The following TCF3 variants were observed in gnomAD, a reference collection of about 807,000 sequenced individuals.
TCF3 encodes transcription factor E2-alpha.
TCF3 carries 54 observed loss-of-function variants against 72.3 expected under a neutral mutation model. The observed-to-expected ratio is 0.75, with a 90% CI of 0.60 to 0.94. The LOEUF (loss-of-function observed/expected upper bound fraction) is 0.94, where lower values mean the gene tolerates loss of function less well. TCF3 is among the 40% of genes least tolerant of loss of function. The pLI is 0.00. For synonymous variants in TCF3, 525 were observed against 412.6 expected (o/e 1.27, Z -3.30); for missense variants, 1,078 against 934.4 (o/e 1.15, Z -2.00).
At chr19:1,632,475 A>T (rs1272528260) in intron 3 of TCF3, 70 bp from the exon 4 acceptor site, 1 of 1,496,478 alleles carries the variant, frequency 6.7e-7, no homozygotes, top group Non-Finnish European at 9.1e-7. Context: ...TCGGTTCATC[A>T]TCTCAGGGGC....
At chr19:1,641,032 C>T (rs1047801071) in intron 3 of TCF3, among the ~76,000 whole-genome samples, 1 of 151,790 alleles carries the variant, frequency 6.6e-6, no homozygotes. Flanking sequence ...CACCTATATT[C>T]CCAGCTACTC....
chr19:1,634,330 T>G (rs1029814360), intron 3 of TCF3, among the ~76,000 whole-genome samples: 1 of 152,252 alleles, frequency 6.6e-6, no homozygotes, highest in South Asian at 2.1e-4. Flanking sequence ...TGTCAGAGTG[T>G]GGTTTTCTGT....
rs879255378 is a variant in TCF3 at position 1,619,219 on chromosome 19, G to A, written c.1342C>T (p.Pro448Ser). The A allele has an allele frequency of 1.9e-6, 3 of 1,596,542 alleles. No individual in the cohort carries two copies. Among genetic ancestry groups the A allele is most frequent in the Admixed American group, 3.3e-5 (2 of 59,712 alleles). ...GTGCTGCCTGCGAGGCCGTCCTCGG[G>A]GTGGCTGCCTCCAACCTGCAGGCGT... ...RHAGLVGGSH[P>S]EDGLAGSTSL... The change falls in exon 16 of 19, where the codon CCC (proline) becomes TCC (serine). Residue 448 changes from proline (P) to serine (S), a missense_variant. By Grantham distance (74) the Pro-to-Ser change is moderately conservative (BLOSUM62 -1). Transcript: ENST00000262965.
At chr19:1,632,181 T>C (rs2063794866) in intron 4 of TCF3, 65 bp from the exon 5 acceptor site, 1 of 1,575,282 alleles carries the variant, frequency 6.3e-7, no homozygotes, top group Admixed American at 1.9e-5. Context: ...CACCCCGCAT[T>C]ACAGCTGGAG....
At chr19:1,646,326 C>CGAGCGCTGGCAGGAAGGCGG in intron 3 of TCF3, 29 bp downstream of exon 3, 1 of 1,548,574 alleles carries the variant, frequency 6.5e-7, no homozygotes, top group Non-Finnish European at 8.7e-7. Flanking sequence ...CCTCACTCCA[C>CGAGCGCTGGCAGGAAGGCGG]GAGCGCTGGC....
chr19:1,619,318 G>T lies in TCF3; in HGVS notation c.1324C>A (p.Leu442Met), dbSNP rs553896459. The T allele has an allele frequency of 6.4e-7, 1 of 1,573,032 alleles. No individual in the cohort carries two copies. Among genetic ancestry groups the T allele is most frequent in the Non-Finnish European group, 8.6e-7 (1 of 1,165,262 alleles). ...CTCCACCCTCGCCCAGCGCTCACCA[G>T]GCCTGCGTGCCGCCCGCCCAGTGAC... ...PMSLGGRHAGLVGGSHPEDGL... is the reference protein window; with the variant it reads ...PMSLGGRHAGMVGGSHPEDGL... The change falls in exon 15 of 19, where the codon CTG becomes ATG. Residue 442 changes from leucine (L) to methionine (M), a missense_variant and splice_region_variant. Transcript: ENST00000262965.
At chr19:1,630,700 A>T (rs1311956017) in intron 5 of TCF3, among the ~76,000 whole-genome samples, 1 of 151,082 alleles carries the variant, frequency 6.6e-6, no homozygotes, top group African/African-American at 2.5e-5. Context: ...GCATCCCAGG[A>T]TGACTGAGGG....
chr19:1,612,033 AAAG>A (rs1050319043), intron 18 of TCF3, among the ~76,000 whole-genome samples, 184 bp from the exon 19 acceptor site: 8 of 151,750 alleles, frequency 5.3e-5, no homozygotes, highest in African/African-American at 1.9e-4. Context: ...GGAGGCTTGT[AAAG>A]AAGAGAGTGG....
At chr19:1,621,072 G>A (rs1351232866) in intron 12 of TCF3, 26 bp from the exon 13 acceptor site, 2 of 1,519,788 alleles carry the variant, frequency 1.3e-6, no homozygotes, top group East Asian at 2.4e-5. Context: ...GGAGAGATGG[G>A]CGGTCAGGGG....
At chr19:1,618,555 G>A (rs2061800540) in intron 16 of TCF3, among the ~76,000 whole-genome samples, 1 of 146,108 alleles carries the variant, frequency 6.8e-6, no homozygotes. Context: ...CAACCCCACG[G>A]GTCTCCTGGC....
chr19:1,641,333 T>G (rs1316260977), intron 3 of TCF3, among the ~76,000 whole-genome samples: 1 of 151,966 alleles, frequency 6.6e-6, no homozygotes, highest in Non-Finnish European at 1.5e-5. Context: ...AGTGAAAAAT[T>G]GGGCTGGGCA....
chr19:1,619,773 C>T lies in TCF3; in HGVS notation c.1167+7G>A. 2.6e-6 allele frequency: 4 copies of T among 1,539,490 alleles called. No homozygotes were observed. The South Asian group carries it at 4.8e-5, about 18-fold the overall frequency. On this transcript the variant is annotated splice_region_variant and intron_variant, in intron 14 of 18. Coordinates refer to ENST00000262965, the MANE Select transcript of TCF3 (RefSeq NM_003200.5). ...GAAGGGTGGGGTGGGGCGGGGCAGG[C>T]ACTCACCAGGCCGTGGAGACCCCCG...
intron 3 of TCF3, among the ~76,000 whole-genome samples, chr19:1,637,723 C>A (rs1017180998): frequency 6.6e-6 from 1 of 152,202 alleles, no homozygotes; most frequent in Admixed American, 6.5e-5. Context: ...TGCTGGCCAA[C>A]AGGGTGAAAC....
Position 1,650,193 on chromosome 19 carries a change from A to G in TCF3, c.56T>C (p.Leu19Pro). 6.4e-7 allele frequency: 1 copy of G among 1,572,032 alleles called. No individual in the cohort carries two copies. The highest frequency in any genetic ancestry group is 8.6e-7 in the Non-Finnish European group (1 of 1,160,116). ...CTGGCTCACCATGCTGAAGTCCAGG[A>G]GGTCACTGAGCTCCTTGTCTGTGCC... ...PVGTDKELSD[L>P]LDFSMMFPLP... is the part of the protein sequence containing the mutation. The change falls in exon 2 of 19, where the codon CTC (leucine) becomes CCC (proline). Residue 19 changes from leucine (L) to proline (P), a missense_variant. Coordinates refer to ENST00000262965, the MANE Select transcript of TCF3 (RefSeq NM_003200.5).
chr19:1,637,384 A>G (rs1483075779), intron 3 of TCF3, among the ~76,000 whole-genome samples: 1 of 152,204 alleles, frequency 6.6e-6, no homozygotes, highest in Non-Finnish European at 1.5e-5. Flanking sequence ...GGCGCCTTGC[A>G]ACCCCGCTCC....
intron 3 of TCF3, among the ~76,000 whole-genome samples, chr19:1,637,948 C>G (rs2064681665): frequency 6.6e-6 from 1 of 152,014 alleles, no homozygotes; most frequent in Non-Finnish European, 1.5e-5. Flanking sequence ...AAGAGGGAAC[C>G]CAACATGGAA....
At chr19:1,637,607 C>A (rs554959401) in intron 3 of TCF3, among the ~76,000 whole-genome samples, 1 of 152,166 alleles carries the variant, frequency 6.6e-6, no homozygotes, top group East Asian at 1.9e-4. Context: ...CCCCTCAAAA[C>A]AAGCTCAGAA....
intron 3 of TCF3, among the ~76,000 whole-genome samples, chr19:1,637,591 A>G (rs1051776981): frequency 6.6e-6 from 1 of 152,264 alleles, no homozygotes; most frequent in South Asian, 2.1e-4. Flanking sequence ...GGGACCGGAG[A>G]ACCTGCCCCT....
intron 8 of TCF3, among the ~76,000 whole-genome samples, chr19:1,623,203 G>A (rs1043092508): frequency 9.9e-5 from 15 of 152,222 alleles, no homozygotes; most frequent in African/African-American, 3.6e-4. Context: ...TGGGCAGAGG[G>A]TGGTTGGTGG....
Sources: gnomAD v4.1 joint callset for allele counts (sites outside exome capture counted in the v4.1 genomes callset) on GRCh38, gnomAD v4.1.1 for gene constraint, MANE v1.5 for transcripts, NCBI Gene and HGNC (gene_info 2026-07-23, HGNC 2026-07-21) for gene names.